The following CTNNA3 variants were observed in gnomAD, a reference collection of about 807,000 sequenced individuals.
CTNNA3 encodes the protein catenin alpha-3.
A neutral mutation model predicts 95.7 loss-of-function variants in CTNNA3; 76 were observed. The observed-to-expected ratio is 0.79, with a 90% CI of 0.66 to 0.96. The LOEUF is 0.96. Ranked by LOEUF, CTNNA3 falls within the 40% of genes least tolerant of loss-of-function variation. CTNNA3 has a pLI of 0.00. For synonymous variants in CTNNA3, 431 were observed against 374.4 expected, an observed-to-expected ratio of 1.15 and a Z score of -1.74; for missense variants, 1,191 against 1,089.8, an observed-to-expected ratio of 1.09 and a Z score of -1.31.
At chr10:67,334,933 T>G (rs1356513244) in intron 5 of CTNNA3, 1 of 152,820 alleles carries the variant, frequency 6.5e-6, no homozygotes, top group Non-Finnish European at 1.5e-5. Context: ...TCCAAATTCT[T>G]TAAAAAACAG....
intron 5 of CTNNA3, among the ~76,000 whole-genome samples, chr10:67,308,132 T>C (rs1337006988): frequency 6.6e-6 from 1 of 152,208 alleles, no homozygotes; most frequent in African/African-American, 2.4e-5. Flanking sequence ...TTAATTATCA[T>C]TCCTTCCCCT....
intron 9 of CTNNA3, among the ~76,000 whole-genome samples, chr10:66,630,832 CAT>C (rs1845109274): frequency 6.6e-6 from 1 of 152,084 alleles, no homozygotes; most frequent in African/African-American, 2.4e-5. Flanking sequence ...TGTAAAAGCA[CAT>C]AGCAAATTGC....
intron 13 of CTNNA3, among the ~76,000 whole-genome samples, chr10:66,119,656 G>A (rs1304615589): frequency 6.6e-6 from 1 of 152,084 alleles, no homozygotes; most frequent in African/African-American, 2.4e-5. Flanking sequence ...ATATTGAACT[G>A]AGTAAGGGGT....
At chr10:67,406,017 G>A (rs1218098571) in intron 5 of CTNNA3, among the ~76,000 whole-genome samples, 2 of 152,132 alleles carry the variant, frequency 1.3e-5, no homozygotes, top group South Asian at 2.1e-4. Context: ...ATCAGAACAT[G>A]GGGGCAGTTT....
At chr10:67,702,218 G>A (rs1392699561) in intron 1 of CTNNA3, among the ~76,000 whole-genome samples, 20 of 152,138 alleles carry the variant, frequency 1.3e-4, no homozygotes, top group African/African-American at 3.6e-4. Context: ...ACAGATCAAC[G>A]AGACAGAAAG....
At chr10:66,218,391 A>ATC (rs143916794) in intron 13 of CTNNA3, among the ~76,000 whole-genome samples, 181 of 151,548 alleles carry the variant, frequency 1.2e-3, no homozygotes, top group African/African-American at 4.0e-3. Context: ...CTGTGGTTTC[A>ATC]TCTCTCTCTC....
At chr10:66,603,857 G>A (rs976682162) in intron 10 of CTNNA3, among the ~76,000 whole-genome samples, 12 of 152,136 alleles carry the variant, frequency 7.9e-5, no homozygotes, top group Non-Finnish European at 1.5e-4. Flanking sequence ...AAATGGTGCT[G>A]AGAATATTGT....
intron 7 of CTNNA3, among the ~76,000 whole-genome samples, chr10:66,863,452 C>G (rs1844035472): frequency 6.6e-6 from 1 of 151,854 alleles, no homozygotes; most frequent in Non-Finnish European, 1.5e-5. Flanking sequence ...GTGGCTTTTA[C>G]TAGGGAGGTA....
intron 1 of CTNNA3, among the ~76,000 whole-genome samples, chr10:67,653,010 T>C (rs1354645582): frequency 2.0e-5 from 3 of 152,164 alleles, no homozygotes; most frequent in Non-Finnish European, 2.9e-5. Context: ...ATACCTGAGA[T>C]TGGGTAATTT....
intron 5 of CTNNA3, among the ~76,000 whole-genome samples, chr10:67,422,279 A>C (rs1021611652): frequency 6.6e-6 from 1 of 152,166 alleles, no homozygotes; most frequent in African/African-American, 2.4e-5. Context: ...TATTCAACAC[A>C]GTGTCCTTGT....
chr10:67,476,658 C>T (rs770376018), intron 5 of CTNNA3, among the ~76,000 whole-genome samples: 3 of 150,956 alleles, frequency 2.0e-5, no homozygotes, highest in Non-Finnish European at 3.0e-5. Flanking sequence ...TGCACCATGC[C>T]GATTAAACTT....
At chr10:67,564,137 T>C (rs1189855155) in intron 3 of CTNNA3, among the ~76,000 whole-genome samples, 1 of 149,812 alleles carries the variant, frequency 6.7e-6, no homozygotes, top group Non-Finnish European at 1.5e-5. Context: ...GTGATCCCAT[T>C]ACTGGGTATA....
chr10:66,176,551 A>C (rs2085724163), intron 13 of CTNNA3, among the ~76,000 whole-genome samples: 1 of 152,154 alleles, frequency 6.6e-6, no homozygotes, highest in South Asian at 2.1e-4. Flanking sequence ...AAGCAGAGGA[A>C]TATTTGTGTC....
intron 11 of CTNNA3, among the ~76,000 whole-genome samples, chr10:66,461,698 T>C (rs949280431): frequency 5.3e-5 from 8 of 149,818 alleles, no homozygotes; most frequent in African/African-American, 2.0e-4. Flanking sequence ...TATATATATA[T>C]ATATATCAAG....
chr10:66,133,459 G>A (rs894921155), intron 13 of CTNNA3, among the ~76,000 whole-genome samples: 2 of 151,758 alleles, frequency 1.3e-5, no homozygotes, highest in Non-Finnish European at 2.9e-5. Flanking sequence ...GTTGCAGTGA[G>A]CCGAGATCAC....
At chr10:67,159,487 G>A (rs144059927) in intron 7 of CTNNA3, among the ~76,000 whole-genome samples, 20 of 152,182 alleles carry the variant, frequency 1.3e-4, no homozygotes, top group African/African-American at 4.8e-4. Flanking sequence ...ACAGACCAAT[G>A]GAACAGAATA....
In CTNNA3 at chr10:67,293,701, G is replaced by A. The variant is rs547721616; in HGVS notation, c.580-73831C>T. ...CCCACAACAGGCCCCAGTGTGTGAT[G>A]TCCCCCTTCCTGTGTCCATGTGTTC... On this transcript the variant is annotated intron_variant, in intron 5 of 17. Transcript: ENST00000433211. 9.6e-5 allele frequency among the ~76,000 whole-genome samples: 12 copies of A among 124,954 alleles called. No homozygotes were observed. The East Asian group carries it at 2.7e-3, about 28-fold the overall frequency. 82.0% of individuals were successfully genotyped at this position (124,954 alleles called of 152,430 possible). A position where few individuals can be genotyped will look rare whatever the true frequency, so the allele number is the denominator to read the frequency against.
intron 15 of CTNNA3, among the ~76,000 whole-genome samples, chr10:65,993,440 T>C (rs1423674979): frequency 1.3e-5 from 2 of 152,230 alleles, no homozygotes; most frequent in East Asian, 1.9e-4. Context: ...TGGGTACATA[T>C]GTATTTATAA....
intron 11 of CTNNA3, among the ~76,000 whole-genome samples, chr10:66,412,456 A>ATTTTTTTTTTTTTTT (rs750175517): frequency 1.6e-5 from 2 of 126,218 alleles, no homozygotes; most frequent in Non-Finnish European, 3.3e-5. Context: ...GCCAAATACT[A>ATTTTTTTTTTTTTTT]TTTTTTTTTT....
Sources: gnomAD v4.1 joint callset for allele counts (sites outside exome capture counted in the v4.1 genomes callset) on GRCh38, gnomAD v4.1.1 for gene constraint, MANE v1.5 for transcripts, NCBI Gene and HGNC (gene_info 2026-07-23, HGNC 2026-07-21) for gene names.